Variants in LRCH1 observed in about 807,000 individuals in gnomAD.
The protein encoded by LRCH1 is leucine-rich repeat and calponin homology domain-containing protein 1.
LRCH1 carries 23 observed loss-of-function variants against 94.9 expected under a neutral mutation model. That is an observed-to-expected ratio of 0.24 (90% CI 0.17 to 0.34). The LOEUF (loss-of-function observed/expected upper bound fraction) is 0.34, where lower values mean the gene tolerates loss of function less well. Among genes scored for constraint, LRCH1 ranks in the 10% least tolerant of loss-of-function variants. The pLI, the probability that LRCH1 is intolerant of heterozygous loss-of-function variation, is 1.00. For synonymous variants in LRCH1, 364 were observed against 354.9 expected, an observed-to-expected ratio of 1.03 and a Z score of -0.29; for missense variants, 790 against 945.9, an observed-to-expected ratio of 0.84 and a Z score of 2.16.
intron 17 of LRCH1, among the ~76,000 whole-genome samples, chr13:46,728,585 A>G (rs1872944304): frequency 6.6e-6 from 1 of 152,188 alleles, no homozygotes; most frequent in South Asian, 2.1e-4. Context: ...TTTGGTTTTT[A>G]TTTATCACGC....
intron 1 of LRCH1, among the ~76,000 whole-genome samples, chr13:46,558,252 G>T (rs1169092016): frequency 4.6e-5 from 7 of 152,206 alleles, no homozygotes; most frequent in Admixed American, 4.6e-4. Flanking sequence ...TCAAGGTGAG[G>T]TGCCAAGTAG....
At chr13:46,602,195 C>A (rs1817376234) in intron 1 of LRCH1, among the ~76,000 whole-genome samples, 1 of 152,214 alleles carries the variant, frequency 6.6e-6, no homozygotes, top group Admixed American at 6.5e-5. Context: ...ATAGCTGACC[C>A]TGAGGAATTT....
At position 46,669,073 on chromosome 13, in the gene LRCH1, C is replaced by CCT; in HGVS notation, c.500_501dup (p.Lys168SerfsTer4). 1 of 1,614,090 alleles carries CCT rather than the reference C, an allele frequency of 6.2e-7. No homozygotes were observed. The highest frequency in any genetic ancestry group is 8.5e-7 in the Non-Finnish European group (1 of 1,179,990). On this transcript the variant is annotated frameshift_variant, in exon 3 of 20. Coordinates refer to ENST00000389797, the MANE Select transcript of LRCH1 (RefSeq NM_001164211.2). LOFTEE classifies it high-confidence loss of function. ...CCTGCCTGCCTGCCTGTGTGGTCTG[C>CCT]CTCTCAAAGTCTTAATCGCAAGTAA...
At chr13:46,637,109 A>G (rs139787938) in intron 1 of LRCH1, among the ~76,000 whole-genome samples, 183 of 152,236 alleles carry the variant, frequency 1.2e-3, no homozygotes, top group African/African-American at 4.2e-3. Context: ...CGTTCTTCCA[A>G]TTTCTGAGGC....
At chr13:46,615,539 G>A (rs2050797804) in intron 1 of LRCH1, among the ~76,000 whole-genome samples, 1 of 152,098 alleles carries the variant, frequency 6.6e-6, no homozygotes, top group Non-Finnish European at 1.5e-5. Flanking sequence ...TCATCACATG[G>A]TTAAGTGGCA....
chr13:46,739,332 C>T lies in LRCH1; in HGVS notation c.2086-2310C>T, dbSNP rs372680765. On this transcript the variant is annotated intron_variant, in intron 19 of 19. Transcript: ENST00000389797. ...AATGGGCATTAGCATCCGCACTTGC[C>T]TCTGGGGACTCTTAGTGAATTAACT... is the stretch of plus-strand genomic sequence containing the variant. 2.0e-5 allele frequency among the ~76,000 whole-genome samples: 3 copies of T among 152,190 alleles called. No homozygotes were observed. The East Asian group carries it at 5.8e-4, about 29-fold the overall frequency.
At chr13:46,662,703 G>A (rs939062469) in intron 2 of LRCH1, among the ~76,000 whole-genome samples, 1 of 152,080 alleles carries the variant, frequency 6.6e-6, no homozygotes, top group South Asian at 2.1e-4. Context: ...CCGTTGGGGG[G>A]AATATATATA....
At chr13:46,597,675 T>G (rs1390006077) in intron 1 of LRCH1, among the ~76,000 whole-genome samples, 1 of 152,102 alleles carries the variant, frequency 6.6e-6, no homozygotes, top group Non-Finnish European at 1.5e-5. Flanking sequence ...TGTTTTTAAG[T>G]GCAAGAAGGC....
chr13:46,709,798 A>G (rs1292076591), intron 13 of LRCH1, among the ~76,000 whole-genome samples: 1 of 152,096 alleles, frequency 6.6e-6, no homozygotes. Flanking sequence ...CTGTAGGGCA[A>G]TTATCTGTCC....
At chr13:46,694,058 A>G (rs912637667) in intron 8 of LRCH1, among the ~76,000 whole-genome samples, 2 of 152,240 alleles carry the variant, frequency 1.3e-5, no homozygotes, top group Admixed American at 6.5e-5. Flanking sequence ...TATGCTTTAT[A>G]TACAAATATA....
intron 2 of LRCH1, among the ~76,000 whole-genome samples, chr13:46,667,685 TAAA>T (rs1326623599): frequency 6.6e-6 from 1 of 151,372 alleles, no homozygotes; most frequent in Non-Finnish European, 1.5e-5. Context: ...ATTAAAAAAA[TAAA>T]AAATAAAAAA....
chr13:46,614,872 G>A (rs894411479), intron 1 of LRCH1, among the ~76,000 whole-genome samples: 4 of 152,144 alleles, frequency 2.6e-5, no homozygotes, highest in Non-Finnish European at 5.9e-5. Flanking sequence ...AATCCTGTTG[G>A]AATTGTATTA....
Position 46,610,567 on chromosome 13 carries a change from T to C in LRCH1, c.308-39634T>C, listed in dbSNP as rs142150798. Among the ~76,000 whole-genome samples the C allele has an allele frequency of 3.8e-3, 580 of 151,976 alleles. 8 individuals carry two copies. Among genetic ancestry groups the C allele is most frequent in the African/African-American group, 0.012 (517 of 41,442 alleles). ...TAGCTCCCACTTAGGAGTGAGAATATAGGATGTTTGGTTTTTCATTCCTGA... is the reference window on the plus strand; with the variant it reads ...TAGCTCCCACTTAGGAGTGAGAATACAGGATGTTTGGTTTTTCATTCCTGA... On this transcript the variant is annotated intron_variant, in intron 1 of 19. Coordinates refer to ENST00000389797, the MANE Select transcript of LRCH1 (RefSeq NM_001164211.2).
chr13:46,619,611 A>G (rs1178512245), intron 1 of LRCH1, among the ~76,000 whole-genome samples: 7 of 152,330 alleles, frequency 4.6e-5, no homozygotes, highest in Non-Finnish European at 8.8e-5. Flanking sequence ...TAGAGAAATC[A>G]TTGTCAGAGT....
At position 46,553,712 on chromosome 13, in the gene LRCH1, G is replaced by C. The variant is rs767108717; in HGVS notation, c.307+9G>C. 1.2e-6 allele frequency: 2 copies of C among 1,607,820 alleles called. No individual in the cohort carries two copies. The highest frequency in any genetic ancestry group is 8.5e-7 in the Non-Finnish European group (1 of 1,178,544). ...GGACACGGTGCAGGCAGGTGAGTGA[G>C]GGCCGAGGGGCGGGCAGGGGTGTGG... On this transcript the variant is annotated intron_variant, in intron 1 of 19. Transcript: ENST00000389797.
At chr13:46,645,570 T>C (rs1337849775) in intron 1 of LRCH1, among the ~76,000 whole-genome samples, 15 of 152,250 alleles carry the variant, frequency 9.9e-5, no homozygotes, top group Admixed American at 9.8e-4. Flanking sequence ...TTGAAAAGAA[T>C]GTTAGAACTC....
In LRCH1 at chr13:46,690,761, C is replaced by T. The variant is rs556313831; in HGVS notation, c.1014+1565C>T. On this transcript the variant is annotated intron_variant, in intron 7 of 19. Coordinates refer to ENST00000389797, the MANE Select transcript of LRCH1 (RefSeq NM_001164211.2). ...CAGCCTCCTTTCCTAAGTACACCTC[C>T]AAGAAATTTATTTTTTAGAGTGATA... Among the ~76,000 whole-genome samples, 15 of 152,244 alleles carry T rather than the reference C, an allele frequency of 9.9e-5. No individual in the cohort carries two copies. The South Asian group carries it at 3.1e-3, about 32-fold the overall frequency.
At chr13:46,682,649 G>C (rs1000926559) in intron 4 of LRCH1, among the ~76,000 whole-genome samples, 1 of 152,176 alleles carries the variant, frequency 6.6e-6, no homozygotes. Flanking sequence ...TCTGTTCTGA[G>C]GTGAGGGTGC....
At position 46,717,771 on chromosome 13, in the gene LRCH1, G is replaced by C. The variant is rs1350312990; in HGVS notation, c.1759+2107G>C. On this transcript the variant is annotated intron_variant, in intron 16 of 19. Coordinates refer to ENST00000389797, the MANE Select transcript of LRCH1 (RefSeq NM_001164211.2). ...TTGTCCTTTTTTTACCTTGCTCACT[G>C]TCTTGCTTTATATAAAATTATCCTT... is the stretch of plus-strand genomic sequence containing the variant. The C allele has an allele frequency of 2.0e-5, 3 of 152,200 alleles. No homozygotes were observed. In the East Asian group the frequency reaches 5.8e-4, roughly 29 times the overall value. 9.4% of individuals were successfully genotyped at this position (152,200 alleles called of 1,614,324 possible).
Sources: allele counts gnomAD v4.1 joint callset (sites outside exome capture counted in the v4.1 genomes callset), GRCh38; gene constraint gnomAD v4.1.1; transcripts MANE v1.5; gene names NCBI Gene and HGNC (gene_info 2026-07-23, HGNC 2026-07-21).